The following GNG7 variants were observed in gnomAD, a reference collection of about 807,000 sequenced individuals.
GNG7 encodes guanine nucleotide-binding protein G(I)/G(S)/G(O) subunit gamma-7.
Under a neutral mutation model 4.0 loss-of-function variants are expected in GNG7, and 1 was observed. That is an observed-to-expected ratio of 0.25 (90% CI 0.09 to 1.18). The LOEUF is 1.18. Among genes scored for constraint, GNG7 ranks in the 50% most tolerant of loss-of-function variants. GNG7 has a pLI of 0.50. For synonymous variants in GNG7, 34 were observed against 36.9 expected (o/e 0.92, Z 0.29); for missense variants, 86 against 91.9 (o/e 0.94, Z 0.26).
chr19:2,592,990 G>A (rs901184242), intron 2 of GNG7, among the ~76,000 whole-genome samples: 1 of 147,192 alleles, frequency 6.8e-6, no homozygotes, highest in African/African-American at 2.5e-5. Flanking sequence ...GAGGGACGGA[G>A]GGAGGGGAAA....
chr19:2,611,008 G>C lies in GNG7; in HGVS notation c.-78+35216C>G, dbSNP rs1041405998. On this transcript the variant is annotated intron_variant, in intron 2 of 4. Coordinates refer to ENST00000382159, the MANE Select transcript of GNG7 (RefSeq NM_052847.3). This position sits in a 1 kb window ranked among gnomAD's most constrained non-coding sequence, Gnocchi z 6.0. ...AACGGGCTCACGTGCCAGGCTCGGG[G>C]GGGGGGAAGCGTCCTCAACATTCTC... is the stretch of plus-strand genomic sequence containing the variant. 7 of 107,744 alleles carry C rather than the reference G, an allele frequency of 6.5e-5. No homozygotes were observed. Among genetic ancestry groups the C allele is most frequent in the Admixed American group, 4.2e-4 (5 of 11,772 alleles). 6.7% of individuals were successfully genotyped at this position (107,744 alleles called of 1,614,324 possible). A position where few individuals can be genotyped will look rare whatever the true frequency, so the allele number is the denominator to read the frequency against.
Position 2,621,567 on chromosome 19 carries a change from C to T in GNG7, c.-78+24657G>A, listed in dbSNP as rs368707560. 5.9e-4 allele frequency among the ~76,000 whole-genome samples: 89 copies of T among 151,462 alleles called. 1 individual carries two copies. The South Asian group carries it at 0.018, about 31-fold the overall frequency. Reference sequence around the variant, plus strand: ...ACAAAGTTAGCCGGGCGTGTTGGTGCGCGCCTGTAATCCCAGCTACTCGGG... The same window carrying T: ...ACAAAGTTAGCCGGGCGTGTTGGTGTGCGCCTGTAATCCCAGCTACTCGGG... On this transcript the variant is annotated intron_variant, in intron 2 of 4. Transcript: ENST00000382159.
intron 2 of GNG7, among the ~76,000 whole-genome samples, chr19:2,645,890 G>T (rs917118988): frequency 2.0e-5 from 3 of 152,288 alleles, no homozygotes; most frequent in African/African-American, 4.8e-5. Flanking sequence ...ACGGGTGAAG[G>T]CTCCTTAAAA....
At chr19:2,637,136 T>G (rs1261741247) in intron 2 of GNG7, among the ~76,000 whole-genome samples, 1 of 150,816 alleles carries the variant, frequency 6.6e-6, no homozygotes. Flanking sequence ...TCCGTGGGCC[T>G]CCTCTGCCCC....
At chr19:2,683,919 A>G (rs1983806038) in intron 1 of GNG7, among the ~76,000 whole-genome samples, 1 of 152,162 alleles carries the variant, frequency 6.6e-6, no homozygotes, top group Non-Finnish European at 1.5e-5. Context: ...CGGCCAGAGG[A>G]GCTCAAATCC....
At chr19:2,580,922 G>A (rs185432371) in intron 2 of GNG7, among the ~76,000 whole-genome samples, 6 of 152,002 alleles carry the variant, frequency 3.9e-5, no homozygotes, top group African/African-American at 9.6e-5. Flanking sequence ...GCACCACCAC[G>A]CCCGGCTAAT....
At chr19:2,655,838 GAAAA>G (rs56041767) in intron 1 of GNG7, among the ~76,000 whole-genome samples, 3,316 of 54,688 alleles carry the variant, frequency 0.061, 284 homozygotes, top group African/African-American at 0.23. Flanking sequence ...GGCTCCGTCT[GAAAA>G]AAAAAAAAAA....
chr19:2,627,565 C>A (rs958444438), intron 2 of GNG7, among the ~76,000 whole-genome samples: 1 of 152,236 alleles, frequency 6.6e-6, no homozygotes, highest in Non-Finnish European at 1.5e-5. Flanking sequence ...CTGTCACTCC[C>A]GGCTGATTCT....
chr19:2,635,560 G>A (rs1339158546), intron 2 of GNG7, among the ~76,000 whole-genome samples: 4 of 150,694 alleles, frequency 2.7e-5, no homozygotes, highest in African/African-American at 4.9e-5. Context: ...ACACACCTGA[G>A]ACCCAGGAGG....
At chr19:2,645,975 G>A (rs1044188312) in intron 2 of GNG7, among the ~76,000 whole-genome samples, 1 of 152,004 alleles carries the variant, frequency 6.6e-6, no homozygotes, top group African/African-American at 2.4e-5. Flanking sequence ...CCCCATCCAG[G>A]GGCTCCGGCA....
intron 1 of GNG7, among the ~76,000 whole-genome samples, chr19:2,659,706 G>A (rs1257633029): frequency 6.8e-6 from 1 of 147,338 alleles, no homozygotes; most frequent in African/African-American, 2.5e-5. Flanking sequence ...GTGAGAGGGA[G>A]GGAGAGAGGA....
intron 2 of GNG7, among the ~76,000 whole-genome samples, chr19:2,624,263 C>T (rs1981955378): frequency 6.6e-6 from 1 of 151,848 alleles, no homozygotes; most frequent in Non-Finnish European, 1.5e-5. Flanking sequence ...GGCGCGGTGG[C>T]TCACGCCTGT....
At chr19:2,565,872 TA>T (rs1407614391) in intron 2 of GNG7, among the ~76,000 whole-genome samples, 1 of 151,852 alleles carries the variant, frequency 6.6e-6, no homozygotes, top group East Asian at 1.9e-4. Flanking sequence ...TAAACCATGG[TA>T]GAGGCCGGGC....
At chr19:2,668,700 G>T (rs1459736652) in intron 1 of GNG7, among the ~76,000 whole-genome samples, 1 of 152,186 alleles carries the variant, frequency 6.6e-6, no homozygotes, top group African/African-American at 2.4e-5. Flanking sequence ...GAAAATAAGG[G>T]TGATGCTGTG....
At chr19:2,523,715 A>G (rs1978322422) in intron 3 of GNG7, among the ~76,000 whole-genome samples, 1 of 152,118 alleles carries the variant, frequency 6.6e-6, no homozygotes, top group African/African-American at 2.4e-5. Flanking sequence ...GATCCTGCCC[A>G]TAGCTTTACC....
chr19:2,534,086 G>T (rs1004960886), intron 3 of GNG7, among the ~76,000 whole-genome samples: 4 of 152,110 alleles, frequency 2.6e-5, no homozygotes, highest in Non-Finnish European at 4.4e-5. Flanking sequence ...GACATTAATT[G>T]AATTTTGCAA....
intron 1 of GNG7, among the ~76,000 whole-genome samples, chr19:2,662,859 T>C (rs1983215021): frequency 6.6e-6 from 1 of 152,166 alleles, no homozygotes; most frequent in Non-Finnish European, 1.5e-5. Context: ...TGCCTTGATC[T>C]TTCTGGTGGC....
At chr19:2,545,337 T>A (rs1381159745) in intron 3 of GNG7, among the ~76,000 whole-genome samples, 1 of 151,800 alleles carries the variant, frequency 6.6e-6, no homozygotes, top group Non-Finnish European at 1.5e-5. Flanking sequence ...GGGACCCTGG[T>A]TTAGACTCTG....
intron 1 of GNG7, among the ~76,000 whole-genome samples, chr19:2,691,013 CAAT>C (rs1302636375): frequency 3.9e-5 from 6 of 152,056 alleles, no homozygotes; most frequent in Non-Finnish European, 8.8e-5. Flanking sequence ...CTCTGGGTGA[CAAT>C]GATGTGTCAA....
Sources: gnomAD v4.1 joint callset for allele counts (sites outside exome capture counted in the v4.1 genomes callset) on GRCh38, gnomAD v4.1.1 for gene constraint, Gnocchi (gnomAD v3.1) non-coding constraint, MANE v1.5 for transcripts, NCBI Gene and HGNC (gene_info 2026-07-23, HGNC 2026-07-21) for gene names.